The following CPLANE1 variants were observed in gnomAD, a reference collection of about 807,000 sequenced individuals.
The protein encoded by CPLANE1 is ciliogenesis and planar polarity effector complex subunit 1.
A neutral mutation model predicts 362.5 loss-of-function variants in CPLANE1; 263 were observed. That is an observed-to-expected ratio of 0.73 (90% CI 0.66 to 0.80). The LOEUF (loss-of-function observed/expected upper bound fraction) is 0.80, where lower values mean the gene tolerates loss of function less well. CPLANE1 is among the 30% of genes least tolerant of loss of function. CPLANE1 has a pLI of 0.00. For missense variants in CPLANE1, 3,461 were observed against 3,793.4 expected, an observed-to-expected ratio of 0.91 and a Z score of 2.30; for synonymous variants, 1,212 against 1,302.6, an observed-to-expected ratio of 0.93 and a Z score of 1.50.
chr5:37,105,100 G>A (rs1010572944), downstream of CPLANE1, among the ~76,000 whole-genome samples: 2 of 152,032 alleles, frequency 1.3e-5, no homozygotes, highest in African/African-American at 2.4e-5. Flanking sequence ...TCAGGAGTTC[G>A]AGATGAGCCT....
intron 32 of CPLANE1, 84 bp downstream of exon 32, chr5:37,173,671 C>A: frequency 8.7e-7 from 1 of 1,151,598 alleles, no homozygotes; most frequent in South Asian, 1.5e-5. Flanking sequence ...TTTACCTTGT[C>A]AATTTCTGGA....
At chr5:37,148,869 G>C (rs1489478782) in intron 42 of CPLANE1, among the ~76,000 whole-genome samples, 1 of 152,022 alleles carries the variant, frequency 6.6e-6, no homozygotes, top group Admixed American at 6.6e-5. Flanking sequence ...TGTCCAACAT[G>C]GCAAAATCCC....
chr5:37,232,839 CAAA>C (rs765038993), intron 8 of CPLANE1, among the ~76,000 whole-genome samples: 4 of 61,998 alleles, frequency 6.5e-5, no homozygotes, highest in East Asian at 5.3e-4. Flanking sequence ...GACCTTGTTG[CAAA>C]AAAAAAAAAA....
chr5:37,221,945 T>C (rs1795441424), intron 14 of CPLANE1, among the ~76,000 whole-genome samples: 1 of 152,130 alleles, frequency 6.6e-6, no homozygotes, highest in African/African-American at 2.4e-5. Context: ...ATCTCAAGTA[T>C]ACACAGTATG....
the CPLANE1 span, among the ~76,000 whole-genome samples, chr5:37,088,525 A>G: frequency 0.57 from 87,310 of 152,088 alleles, 27,295 homozygotes; most frequent in African/African-American, 0.84. Context: ...ATATGTCCCC[A>G]ATGTAGGAAG....
At chr5:37,114,852 T>C (rs1760448391) in intron 51 of CPLANE1, 108 bp downstream of exon 51, 6 of 647,484 alleles carry the variant, frequency 9.3e-6, no homozygotes, top group Non-Finnish European at 1.6e-5. Context: ...TGAGCCGACA[T>C]TGCACCACTG....
In CPLANE1 at chr5:37,210,460, A is replaced by G. The variant is rs531528099; in HGVS notation, c.2920+3099T>C. On this transcript the variant is annotated intron_variant, in intron 16 of 52. Coordinates refer to ENST00000651892, the MANE Select transcript of CPLANE1 (RefSeq NM_001384732.1). ...AAGGACGACTACATCATTAGAACTA[A>G]TCGACTGATTGAAGATGAAAGGAAG... 1.4e-4 allele frequency: 148 copies of G among 1,083,600 alleles called. 1 individual carries two copies. The South Asian group carries it at 1.8e-3, about 13-fold the overall frequency. 67.1% of individuals were successfully genotyped at this position (1,083,600 alleles called of 1,614,324 possible).
At chr5:37,200,127 A>G (rs962604465) in intron 19 of CPLANE1, among the ~76,000 whole-genome samples, 2 of 152,200 alleles carry the variant, frequency 1.3e-5, no homozygotes, top group African/African-American at 4.8e-5. Flanking sequence ...TAACATAACT[A>G]AATCAGAAAC....
At chr5:37,214,317 A>G (rs1268134489) in intron 15 of CPLANE1, among the ~76,000 whole-genome samples, 1 of 152,078 alleles carries the variant, frequency 6.6e-6, no homozygotes, top group Non-Finnish European at 1.5e-5. Flanking sequence ...AATACAATAA[A>G]AAGAAACATT....
At chr5:37,111,856 C>T (rs1759444260) in intron 51 of CPLANE1, among the ~76,000 whole-genome samples, 1 of 151,294 alleles carries the variant, frequency 6.6e-6, no homozygotes, top group African/African-American at 2.4e-5. Context: ...AATCTACGAG[C>T]AGATGACAGG....
chr5:37,180,295 G>T, intron 27 of CPLANE1, 112 bp from the exon 28 acceptor site: 1 of 518,542 alleles, frequency 1.9e-6, no homozygotes, highest in Non-Finnish European at 3.1e-6. Context: ...GCCCAGGCTG[G>T]AGTGCAATGG....
At chr5:37,124,557 T>C (rs1464495568) in intron 47 of CPLANE1, among the ~76,000 whole-genome samples, 1 of 152,174 alleles carries the variant, frequency 6.6e-6, no homozygotes, top group African/African-American at 2.4e-5. Context: ...TTGTTAGCTT[T>C]TGCTTTATTT....
chr5:37,244,616 G>A lies in CPLANE1; in HGVS notation c.338-9C>T, dbSNP rs1366526986. ...CAGTCTCAAAGAGCTTGCTAAAAAA[G>A]TAACAAAAAAAGTAATTAAGCCTCT... On this transcript the variant is annotated splice_polypyrimidine_tract_variant and intron_variant, in intron 4 of 52. Coordinates refer to ENST00000651892, the MANE Select transcript of CPLANE1 (RefSeq NM_001384732.1). 2.7e-6 allele frequency: 4 copies of A among 1,496,316 alleles called. No homozygotes were observed. The highest frequency in any genetic ancestry group is 1.4e-5 in the African/African-American group (1 of 70,252). The allele number at this position is 1,496,316 out of a possible 1,614,324, so 92.7% of individuals were successfully genotyped here. A position where few individuals can be genotyped will look rare whatever the true frequency, so the allele number is the denominator to read the frequency against.
At position 37,169,311 on chromosome 5, in the gene CPLANE1, G is replaced by C; in HGVS notation, c.6713C>G (p.Pro2238Arg). 6.2e-7 allele frequency: 1 copy of C among 1,614,112 alleles called. No homozygotes were observed. The highest frequency in any genetic ancestry group is 8.5e-7 in the Non-Finnish European group (1 of 1,180,032). ...LQFKSKQEFQPLFLHTGSIPQ... is the reference protein window; with the variant it reads ...LQFKSKQEFQRLFLHTGSIPQ... ...AATACTTCCTGTATGTAAGAAAAGGGGCTGGAATTCTTGTTTAGACTTAAA... is the reference window on the plus strand; with the variant it reads ...AATACTTCCTGTATGTAAGAAAAGGCGCTGGAATTCTTGTTTAGACTTAAA... Residue 2238 changes from proline to arginine, a missense_variant, in exon 34 of 53, where the codon CCC becomes CGC. This residue lies in a region of CPLANE1 where 3,380 missense variants were observed against 3,666.1 expected (regional missense o/e 0.92). Coordinates refer to ENST00000651892, the MANE Select transcript of CPLANE1 (RefSeq NM_001384732.1).
rs1387791746 is a variant in CPLANE1 at position 37,179,384 on chromosome 5, T to C, written c.5797A>G (p.Thr1933Ala). 2 of 1,612,184 alleles carry C rather than the reference T, an allele frequency of 1.2e-6. No individual in the cohort carries two copies. The highest frequency in any genetic ancestry group is 2.2e-5 in the East Asian group (1 of 44,826). Residue 1933 changes from threonine (T) to alanine (A), a missense_variant, in exon 29 of 53, where the codon ACT becomes GCT. Physicochemically the swap from Thr to Ala is moderately conservative, Grantham distance 58. Coordinates refer to ENST00000651892, the MANE Select transcript of CPLANE1 (RefSeq NM_001384732.1). ...ACTTCTTCTAACTGCTGTGGTAAAGTCATCATGCAAATGGCAAGACTGGGA... is the reference window on the plus strand; with the variant it reads ...ACTTCTTCTAACTGCTGTGGTAAAGCCATCATGCAAATGGCAAGACTGGGA... The part of the protein sequence containing the change: ...RSPSLAICMM[T>A]LPQQLEEEFT...
Position 37,142,293 on chromosome 5 carries a change from A to C in CPLANE1, c.8632+17T>G. 6.6e-7 allele frequency: 1 copy of C among 1,514,650 alleles called. No individual in the cohort carries two copies. The highest frequency in any genetic ancestry group is 8.8e-7 in the Non-Finnish European group (1 of 1,135,382). The allele number at this position is 1,514,650 out of a possible 1,614,324, so 93.8% of individuals were successfully genotyped here. On this transcript the variant is annotated intron_variant, in intron 44 of 52. Transcript: ENST00000651892. ...GAGAATAAGAGTATGTGTAAATGAA[A>C]AAGTAAAGAACAATACCAGGAGAAG...
At chr5:37,131,313 C>T (rs1318633755) in intron 46 of CPLANE1, among the ~76,000 whole-genome samples, 5 of 152,022 alleles carry the variant, frequency 3.3e-5, no homozygotes, top group Admixed American at 1.3e-4. Context: ...TCAGTGATTC[C>T]CTCTGGTCTT....
At chr5:37,169,663 C>A in intron 33 of CPLANE1, 102 bp from the exon 34 acceptor site, 1 of 898,966 alleles carries the variant, frequency 1.1e-6, no homozygotes. Flanking sequence ...AATGTAGTAA[C>A]TGCTAAAAAA....
rs1399574619 is a variant in CPLANE1 at position 37,226,816 on chromosome 5, T to C, written c.1779A>G (p.Leu593=). Residue 593 remains leucine, a synonymous_variant, in exon 12 of 53, where the codon TTA becomes TTG. Coordinates refer to ENST00000651892, the MANE Select transcript of CPLANE1 (RefSeq NM_001384732.1). ...TACAAACTACTATGTAATTTAACAT[T>C]AAATTTTTTTCTGTCACAGTTTTTG... ...GISKTVTEKN[L]MLNYIVVCIT... is the part of the protein sequence containing the mutation. 1 of 1,549,852 alleles carries C rather than the reference T, an allele frequency of 6.5e-7. No individual in the cohort carries two copies. Among genetic ancestry groups the C allele is most frequent in the African/African-American group, 1.4e-5 (1 of 72,950 alleles).
Sources: gnomAD v4.1 joint callset for allele counts (sites outside exome capture counted in the v4.1 genomes callset) on GRCh38, gnomAD v4.1.1 for gene constraint, gnomAD v4.1.1 regional missense constraint, MANE v1.5 for transcripts, NCBI Gene and HGNC (gene_info 2026-07-23, HGNC 2026-07-21) for gene names.